NFYC: variants seen among roughly 807,000 people sequenced by gnomAD.
NFYC encodes the protein CAAT box DNA-binding protein subunit C.
In NFYC, 25 loss-of-function variants were observed where a neutral mutation model predicts 53.1. The ratio of observed to expected loss-of-function variants is 0.47; its 90% CI spans 0.34 to 0.66. The LOEUF is 0.66. NFYC is among the 30% of genes least tolerant of loss of function. The pLI is 0.01. For missense variants in NFYC, 260 were observed against 422.7 expected (o/e 0.62, Z 3.38); for synonymous variants, 145 against 152.6 (o/e 0.95, Z 0.37).
intron 2 of NFYC, among the ~76,000 whole-genome samples, chr1:40,739,851 C>A (rs1445819461): frequency 6.6e-6 from 1 of 152,116 alleles, no homozygotes; most frequent in African/African-American, 2.4e-5. Flanking sequence ...AGTAAGCATT[C>A]ACCAGATGTG....
chr1:40,738,673 A>T (rs1645181300), intron 1 of NFYC, among the ~76,000 whole-genome samples, 163 bp from the exon 2 acceptor site: 1 of 152,242 alleles, frequency 6.6e-6, no homozygotes, highest in South Asian at 2.1e-4. Flanking sequence ...TGTTTTTAAG[A>T]TGTAAGTCTG....
At chr1:40,742,400 G>C (rs1226042131) in intron 2 of NFYC, among the ~76,000 whole-genome samples, 1 of 152,052 alleles carries the variant, frequency 6.6e-6, no homozygotes, top group Non-Finnish European at 1.5e-5. Context: ...TAACCTACTT[G>C]GTTTACAAGT....
intron 2 of NFYC, among the ~76,000 whole-genome samples, chr1:40,745,366 A>AT (rs1430988006): frequency 6.6e-6 from 1 of 152,328 alleles, no homozygotes; most frequent in Non-Finnish European, 1.5e-5. Context: ...TTCCAAAGGA[A>AT]TGATCATCCC....
intron 1 of NFYC, among the ~76,000 whole-genome samples, chr1:40,695,110 G>A (rs1643055767): frequency 6.6e-6 from 1 of 152,006 alleles, no homozygotes; most frequent in South Asian, 2.1e-4. Flanking sequence ...ATGGTGGTGG[G>A]CGCCTGTAAT....
intron 1 of NFYC, among the ~76,000 whole-genome samples, chr1:40,713,747 A>G (rs1322244234): frequency 6.6e-6 from 1 of 152,080 alleles, no homozygotes; most frequent in Non-Finnish European, 1.5e-5. Context: ...TTTGACTCCC[A>G]CTCAATTTGT....
intron 1 of NFYC, among the ~76,000 whole-genome samples, chr1:40,702,974 G>A (rs1458058107): frequency 6.6e-6 from 1 of 152,122 alleles, no homozygotes. Flanking sequence ...GTACCAGCAC[G>A]CCCAGCTACT....
At chr1:40,722,494 A>T (rs979056405) in intron 1 of NFYC, among the ~76,000 whole-genome samples, 6 of 152,370 alleles carry the variant, frequency 3.9e-5, no homozygotes, top group African/African-American at 1.4e-4. Context: ...AGTCTAAATT[A>T]TAGAGAAAAA....
chr1:40,738,790 T>A, intron 1 of NFYC, 46 bp from the exon 2 acceptor site: 1 of 1,385,544 alleles, frequency 7.2e-7, no homozygotes, highest in Non-Finnish European at 1.0e-6. Flanking sequence ...ACAGAAAGTC[T>A]GACTTTATTG....
At chr1:40,715,892 CTAAAA>C (rs1325323910) in intron 1 of NFYC, among the ~76,000 whole-genome samples, 1 of 152,170 alleles carries the variant, frequency 6.6e-6, no homozygotes, top group Non-Finnish European at 1.5e-5. Context: ...AGAAAGAAGA[CTAAAA>C]TAACTACAGC....
chr1:40,719,188 C>G (rs1162297223), intron 1 of NFYC, among the ~76,000 whole-genome samples: 5 of 152,168 alleles, frequency 3.3e-5, no homozygotes, highest in Non-Finnish European at 7.4e-5. Context: ...CTTAAATAAT[C>G]CGTTGCTTTA....
chr1:40,724,556 A>G (rs927494109), intron 1 of NFYC, among the ~76,000 whole-genome samples: 2 of 152,174 alleles, frequency 1.3e-5, no homozygotes, highest in African/African-American at 4.8e-5. Flanking sequence ...TATTGCTGTT[A>G]TATATGCAGA....
intron 1 of NFYC, among the ~76,000 whole-genome samples, chr1:40,707,849 C>CA (rs56325253): frequency 0.052 from 5,161 of 99,360 alleles, 125 homozygotes; most frequent in Middle Eastern, 0.12. Flanking sequence ...GACCCTATCT[C>CA]AAAAAAAAAA....
At chr1:40,700,538 G>A (rs1324519479) in intron 1 of NFYC, among the ~76,000 whole-genome samples, 2 of 151,954 alleles carry the variant, frequency 1.3e-5, no homozygotes, top group Non-Finnish European at 2.9e-5. Flanking sequence ...TAGTGAGGAG[G>A]TCTTGCTATG....
rs139039519 is a variant in NFYC, at chr1:40,707,341, A to G, written c.-9+15474A>G. ...AAACCCTATCTCTACTAAAAATACA[A>G]AAATTAGCTGGGCATGGTGGTGGGT... On this transcript the variant is annotated intron_variant, in intron 1 of 9. Transcript: ENST00000447388. Among the ~76,000 whole-genome samples the G allele has an allele frequency of 3.4e-3, 509 of 151,608 alleles. 6 individuals carry two copies. The highest frequency in any genetic ancestry group is 0.012 in the African/African-American group (492 of 41,268).
rs763300821 is a variant in NFYC, at chr1:40,753,133, C to CCAG, written c.292-18_292-17insCAG. 2 of 1,586,696 alleles carry CCAG rather than the reference C, an allele frequency of 1.3e-6. No individual in the cohort carries two copies. The highest frequency in any genetic ancestry group is 4.5e-5 in the East Asian group (2 of 44,734). ...TTCTCCCCAGGCTAATTTTTCACAC[C>CCAG]GCTCTTCTTTGTTACAGAGAAATGA... On this transcript the variant is annotated splice_polypyrimidine_tract_variant and intron_variant, in intron 4 of 9. Coordinates refer to ENST00000447388, the MANE Select transcript of NFYC (RefSeq NM_014223.5).
intron 6 of NFYC, among the ~76,000 whole-genome samples, chr1:40,761,812 A>G (rs1186802183): frequency 1.3e-5 from 2 of 152,220 alleles, no homozygotes; most frequent in Non-Finnish European, 2.9e-5. Flanking sequence ...TGAGAGTTCC[A>G]TAGTCTTCTT....
chr1:40,696,884 G>A (rs11580421), intron 1 of NFYC, among the ~76,000 whole-genome samples: 4 of 152,154 alleles, frequency 2.6e-5, no homozygotes, highest in Admixed American at 6.5e-5. Flanking sequence ...TCACAGTTTA[G>A]GAAGGCTACA....
chr1:40,770,551 C>A lies in NFYC; in HGVS notation c.889-158C>A. ...GCTGGTGCCTCCTGTGTCTGCTGCT[C>A]CCAACCCCAGCAGAGCTCCACTTCC... On this transcript the variant is annotated intron_variant, in intron 9 of 9. Transcript: ENST00000447388. This position sits in a 1 kb window ranked among gnomAD's most constrained non-coding sequence, Gnocchi z 5.3. The A allele has an allele frequency of 6.3e-7, 1 of 1,584,030 alleles. No individual in the cohort carries two copies. The highest frequency in any genetic ancestry group is 1.1e-5 in the South Asian group (1 of 87,478).
At chr1:40,704,958 C>G (rs1475719140) in intron 1 of NFYC, among the ~76,000 whole-genome samples, 1 of 152,192 alleles carries the variant, frequency 6.6e-6, no homozygotes, top group Non-Finnish European at 1.5e-5. Context: ...GGTCTTCTCC[C>G]TTTCTGAACC....
Sources: gnomAD v4.1 joint callset for allele counts (sites outside exome capture counted in the v4.1 genomes callset) on GRCh38, gnomAD v4.1.1 for gene constraint, Gnocchi (gnomAD v3.1) non-coding constraint, MANE v1.5 for transcripts, NCBI Gene and HGNC (gene_info 2026-07-23, HGNC 2026-07-21) for gene names.